ALDH1L1: variants seen among roughly 807,000 people sequenced by gnomAD.
ALDH1L1 encodes the protein aldehyde dehydrogenase 1 family member L1.
In ALDH1L1, 68 loss-of-function variants were observed where a neutral mutation model predicts 101.1. That is an observed-to-expected ratio of 0.67 (90% CI 0.55 to 0.82). ALDH1L1 has a LOEUF of 0.82. Ranked by LOEUF, ALDH1L1 falls within the 40% of genes least tolerant of loss-of-function variation. The pLI, the probability that ALDH1L1 is intolerant of heterozygous loss-of-function variation, is 0.00. For synonymous variants in ALDH1L1, 486 were observed against 470.8 expected, an observed-to-expected ratio of 1.03 and a Z score of -0.42; for missense variants, 1,087 against 1,172.7, an observed-to-expected ratio of 0.93 and a Z score of 1.07.
chr3:126,114,519 C>T lies in ALDH1L1; in HGVS notation c.2082+38G>A, dbSNP rs377321905. The T allele has an allele frequency of 6.2e-6, 9 of 1,452,210 alleles. No individual in the cohort carries two copies. The African/African-American group carries it at 9.9e-5, about 16-fold the overall frequency. 90.0% of individuals were successfully genotyped at this position (1,452,210 alleles called of 1,614,324 possible). A position where few individuals can be genotyped will look rare whatever the true frequency, so the allele number is the denominator to read the frequency against. On this transcript the variant is annotated intron_variant, in intron 18 of 22. Coordinates refer to ENST00000393434, the MANE Select transcript of ALDH1L1 (RefSeq NM_012190.4). ...TCCTGGTCCCTACAGTCCCTGTTCC[C>T]GCTCACTGTCCCTGCCCCCTCCAGG...
rs776484196 is a variant in ALDH1L1 at position 126,130,296 on chromosome 3, G to C, written c.1624-3C>G. Reference sequence around the variant, plus strand: ...TGGTTGATGGGGATGGTGGAGCCCTGGAAGAGGAACAGGGGCAGTCACCCA... The same window carrying C: ...TGGTTGATGGGGATGGTGGAGCCCTCGAAGAGGAACAGGGGCAGTCACCCA... On this transcript the variant is annotated splice_region_variant and splice_polypyrimidine_tract_variant and intron_variant, in intron 13 of 22. Transcript: ENST00000393434. 6.2e-7 allele frequency: 1 copy of C among 1,607,316 alleles called. No individual in the cohort carries two copies. The highest frequency in any genetic ancestry group is 8.5e-7 in the Non-Finnish European group (1 of 1,176,742).
chr3:126,188,630 G>A (rs1421047097), intron 1 of ALDH1L1, among the ~76,000 whole-genome samples: 6 of 152,064 alleles, frequency 3.9e-5, no homozygotes, highest in East Asian at 1.9e-4. Context: ...CCCACTTACC[G>A]TCATTTTAGA....
At chr3:126,112,314 C>A (rs1375387761) in intron 19 of ALDH1L1, among the ~76,000 whole-genome samples, 1 of 152,222 alleles carries the variant, frequency 6.6e-6, no homozygotes, top group African/African-American at 2.4e-5. Flanking sequence ...CAGGGGCCCA[C>A]AGCCTGGCCA....
chr3:126,191,275 A>G (rs1300155255), intron 1 of ALDH1L1, among the ~76,000 whole-genome samples: 2 of 152,222 alleles, frequency 1.3e-5, no homozygotes, highest in Admixed American at 6.5e-5. Flanking sequence ...GGGCTTGCGT[A>G]AAAGTTCATT....
intron 8 of ALDH1L1, 86 bp from the exon 9 acceptor site, chr3:126,147,012 A>C: frequency 4.6e-6 from 6 of 1,317,056 alleles, no homozygotes; most frequent in Non-Finnish European, 6.3e-6. Flanking sequence ...GAACAGACTC[A>C]TGGATGGCCT....
At chr3:126,168,547 G>A (rs909690876) in intron 1 of ALDH1L1, among the ~76,000 whole-genome samples, 1 of 152,008 alleles carries the variant, frequency 6.6e-6, no homozygotes, top group African/African-American at 2.4e-5. Context: ...AAAACAAACA[G>A]AAAAAAACTT....
At chr3:126,112,940 T>A in intron 18 of ALDH1L1, 60 bp from the exon 19 acceptor site, 1 of 1,520,022 alleles carries the variant, frequency 6.6e-7, no homozygotes, top group Non-Finnish European at 9.1e-7. Context: ...AGCCCCCGGC[T>A]CTGCCAGGGC....
At chr3:126,145,762 C>T (rs1414339769) in intron 9 of ALDH1L1, among the ~76,000 whole-genome samples, 3 of 152,190 alleles carry the variant, frequency 2.0e-5, no homozygotes, top group African/African-American at 7.2e-5. Flanking sequence ...CAACACTGTG[C>T]TCATAGTTAA....
At chr3:126,149,259 C>G (rs2080760450) in intron 8 of ALDH1L1, among the ~76,000 whole-genome samples, 1 of 152,250 alleles carries the variant, frequency 6.6e-6, no homozygotes, top group Admixed American at 6.5e-5. Flanking sequence ...TCAAAGATGC[C>G]AGCTACTGAA....
intron 1 of ALDH1L1, among the ~76,000 whole-genome samples, chr3:126,172,212 A>G (rs1462284743): frequency 6.6e-6 from 1 of 152,240 alleles, no homozygotes; most frequent in Non-Finnish European, 1.5e-5. Context: ...ACAAAAACAC[A>G]GTTTGCAAAG....
At position 126,155,343 on chromosome 3, in the gene ALDH1L1, C is replaced by T. The variant is rs112677285; in HGVS notation, c.630+59G>A. Reference sequence around the variant, plus strand: ...TGAACCCCAGCCTCCTCAGGCTGCCCTCTACAACCCCAGTCTGCTCACAGG... The same window carrying T: ...TGAACCCCAGCCTCCTCAGGCTGCCTTCTACAACCCCAGTCTGCTCACAGG... On this transcript the variant is annotated intron_variant, in intron 5 of 22. Transcript: ENST00000393434. The T allele has an allele frequency of 1.7e-4, 253 of 1,508,472 alleles. 1 individual carries two copies. In the African/African-American group the frequency reaches 2.6e-3, roughly 16 times the overall value. The allele number at this position is 1,508,472 out of a possible 1,614,324, so 93.4% of individuals were successfully genotyped here.
chr3:126,179,948 C>CT (rs2081441081), intron 1 of ALDH1L1: 1 of 152,220 alleles, frequency 6.6e-6, no homozygotes, highest in South Asian at 2.1e-4. Context: ...AGCGCAGCCC[C>CT]TGAGCGCTCA....
rs376404957 is a variant in ALDH1L1 at position 126,105,778 on chromosome 3, G to A, written c.2601C>T (p.Asp867=). 24 of 1,614,088 alleles carry A rather than the reference G, an allele frequency of 1.5e-5. No homozygotes were observed. The highest frequency in any genetic ancestry group is 2.7e-5 in the African/African-American group (2 of 74,912). The change falls in exon 22 of 23, where the codon GAC becomes GAT. Residue 867 remains aspartate, a synonymous_variant. Transcript: ENST00000393434. ...TGAATCCTCCGAAGGGAGCGGCCAC[G>A]TCGGTCTTGTTGTACGTGTTGACAA... ...TVFVNTYNKT[D]VAAPFGGFKQ... is the part of the protein sequence containing the mutation.
intron 6 of ALDH1L1, among the ~76,000 whole-genome samples, chr3:126,154,307 G>T (rs1410492654): frequency 6.6e-6 from 1 of 152,188 alleles, no homozygotes; most frequent in African/African-American, 2.4e-5. Context: ...ATACAGCTGG[G>T]CCCCAGGGGC....
At position 126,158,469 on chromosome 3, in the gene ALDH1L1, G is replaced by A. The variant is rs150701935; in HGVS notation, c.298C>T (p.His100Tyr). 6.2e-6 allele frequency: 10 copies of A among 1,613,742 alleles called. No individual in the cohort carries two copies. Among genetic ancestry groups the A allele is most frequent in the African/African-American group, 1.3e-5 (1 of 74,930 alleles). ...IPMEIISAPR[H>Y]GSIIYHPSLL... is the part of the protein sequence containing the mutation. ...GACGGGTGATAGATGATGGAGCCATGCCGGGGGGCACTGATTATCTCCATG... is the reference window on the plus strand; with the variant it reads ...GACGGGTGATAGATGATGGAGCCATACCGGGGGGCACTGATTATCTCCATG... Residue 100 changes from histidine (H) to tyrosine (Y), a missense_variant, in exon 3 of 23, where the codon CAT becomes TAT. By Grantham distance (83) the His-to-Tyr change is moderately conservative. Coordinates refer to ENST00000393434, the MANE Select transcript of ALDH1L1 (RefSeq NM_012190.4).
chr3:126,109,844 C>G lies in ALDH1L1; in HGVS notation c.2347+100G>C, dbSNP rs7628056. ...GGCTGCAGCCTGACTGTGTAGGTACCTGGCCTTCAGATGTCTCCAGTTCAG... is the reference window on the plus strand; with the variant it reads ...GGCTGCAGCCTGACTGTGTAGGTACGTGGCCTTCAGATGTCTCCAGTTCAG... On this transcript the variant is annotated intron_variant, in intron 20 of 22. Coordinates refer to ENST00000393434, the MANE Select transcript of ALDH1L1 (RefSeq NM_012190.4). 5,718 of 1,514,608 alleles carry G rather than the reference C, an allele frequency of 3.8e-3. 202 individuals are homozygous for G. The African/African-American group carries it at 0.07, about 19-fold the overall frequency. The allele number at this position is 1,514,608 out of a possible 1,614,324, so 93.8% of individuals were successfully genotyped here. A position where few individuals can be genotyped will look rare whatever the true frequency, so the allele number is the denominator to read the frequency against.
chr3:126,134,080 C>T lies in ALDH1L1; in HGVS notation c.1472+1455G>A, dbSNP rs1458031431. Among the ~76,000 whole-genome samples the T allele has an allele frequency of 2.6e-5, 4 of 152,312 alleles. No individual in the cohort carries two copies. In the South Asian group the frequency reaches 6.2e-4, roughly 24 times the overall value. On this transcript the variant is annotated intron_variant, in intron 12 of 22. Coordinates refer to ENST00000393434, the MANE Select transcript of ALDH1L1 (RefSeq NM_012190.4). ...TGAATTTCGTGTTCCCTAACACCCA[C>T]GGTGGTCCCGCCACCCTGACAGGGT...
intron 6 of ALDH1L1, among the ~76,000 whole-genome samples, chr3:126,153,954 T>C (rs2080857072): frequency 6.6e-6 from 1 of 152,194 alleles, no homozygotes; most frequent in African/African-American, 2.4e-5. Context: ...AGAAGATGCA[T>C]TTGCTAGTAC....
At position 126,109,910 on chromosome 3, in the gene ALDH1L1, T is replaced by C. The variant is rs146931112; in HGVS notation, c.2347+34A>G. ...GAGGCCATGGGACCTGCTGCCTCAA[T>C]TGACCCAAGCGGACCTGACACACTC... On this transcript the variant is annotated intron_variant, in intron 20 of 22. Transcript: ENST00000393434. 7.7e-4 allele frequency: 1,241 copies of C among 1,608,954 alleles called. 9 individuals are homozygous for C. The African/African-American group carries it at 0.015, about 19-fold the overall frequency.
Sources: gnomAD v4.1 joint callset for allele counts (sites outside exome capture counted in the v4.1 genomes callset) on GRCh38, gnomAD v4.1.1 for gene constraint, MANE v1.5 for transcripts, NCBI Gene and HGNC (gene_info 2026-07-23, HGNC 2026-07-21) for gene names.